PHF10: variants seen among roughly 807,000 people sequenced by gnomAD.
The protein encoded by PHF10 is PHD finger protein 10, also known as BRG1-associated factor 45a.
In PHF10, 51 loss-of-function variants were observed where a neutral mutation model predicts 68.5. The ratio of observed to expected loss-of-function variants is 0.74; its 90% confidence interval spans 0.59 to 0.94. PHF10 has a LOEUF of 0.94. Among genes scored for constraint, PHF10 ranks in the 40% least tolerant of loss-of-function variants. The pLI, the probability that PHF10 is intolerant of heterozygous loss-of-function variation, is 0.00. For synonymous variants in PHF10, 204 were observed against 203.5 expected (o/e 1.00, Z -0.02); for missense variants, 460 against 602.6 (o/e 0.76, Z 2.48).
chr6:169,722,989 G>C (rs1471152653), intron 1 of PHF10, among the ~76,000 whole-genome samples: 2 of 152,152 alleles, frequency 1.3e-5, no homozygotes, highest in Non-Finnish European at 2.9e-5. Context: ...CCTTCAAAAT[G>C]AGTCTCACAG....
At chr6:169,705,857 C>A in intron 9 of PHF10, 133 bp from the exon 10 acceptor site, 1 of 639,104 alleles carries the variant, frequency 1.6e-6, no homozygotes. Context: ...AAAGACAAAA[C>A]TTGACAGGAG....
intron 6 of PHF10, among the ~76,000 whole-genome samples, chr6:169,715,265 G>A (rs1030134729): frequency 2.6e-5 from 4 of 152,076 alleles, no homozygotes; most frequent in Admixed American, 6.6e-5. Flanking sequence ...ATTATTAACC[G>A]TAAAGCAAAA....
chr6:169,705,028 G>C, intron 11 of PHF10, 105 bp downstream of exon 11: 1 of 754,132 alleles, frequency 1.3e-6, no homozygotes, highest in Non-Finnish European at 2.1e-6. Context: ...TTGCACATAA[G>C]AGTCCACAAG....
At chr6:169,715,595 A>C (rs540599543) in intron 6 of PHF10, 113 bp downstream of exon 6, 165 of 941,722 alleles carry the variant, frequency 1.8e-4, no homozygotes, top group African/African-American at 1.4e-3. Flanking sequence ...AACAAACAAA[A>C]AAAACACACA....
At chr6:169,716,397 CACTA>C (rs1368931179) in intron 4 of PHF10, among the ~76,000 whole-genome samples, 3 of 151,628 alleles carry the variant, frequency 2.0e-5, no homozygotes, top group African/African-American at 4.9e-5. Context: ...TAATGAAATG[CACTA>C]ACTACTAACA....
chr6:169,715,597 AAAC>A (rs1789027955), intron 6 of PHF10, 108 bp downstream of exon 6: 3 of 948,530 alleles, frequency 3.2e-6, no homozygotes, highest in Non-Finnish European at 4.9e-6. Flanking sequence ...CAAACAAAAA[AAAC>A]ACACACACAT....
intron 4 of PHF10, among the ~76,000 whole-genome samples, chr6:169,717,493 T>C (rs990940639): frequency 6.6e-6 from 1 of 152,200 alleles, no homozygotes. Flanking sequence ...ATATAAAGTG[T>C]TGAATATGTC....
chr6:169,718,100 G>A (rs1789093838), intron 3 of PHF10, among the ~76,000 whole-genome samples, 194 bp from the exon 4 acceptor site: 1 of 151,914 alleles, frequency 6.6e-6, no homozygotes, highest in African/African-American at 2.4e-5. Flanking sequence ...AATAAAATAG[G>A]AAATAGAATA....
At position 169,704,057 on chromosome 6, in the gene PHF10, G is replaced by T. The variant is rs1301511842; in HGVS notation, c.1443C>A (p.Ala481=). 1 of 1,581,522 alleles carries T rather than the reference G, an allele frequency of 6.3e-7. No individual in the cohort carries two copies. The change falls in exon 12 of 12, where the codon GCC becomes GCA. Residue 481 remains alanine, a synonymous_variant. Transcript: ENST00000339209. ...GRWICDCCQR[A]PPTPRKVGRR... is the part of the protein sequence containing the mutation. ...TGCCCACTTTCCTGGGTGTTGGGGG[G>T]GCCCGCTGACAACAGTCACAAATCC...
At chr6:169,715,598 AACAC>A in intron 6 of PHF10, 106 bp downstream of exon 6, 1 of 950,870 alleles carries the variant, frequency 1.1e-6, no homozygotes, top group East Asian at 2.4e-5. Context: ...AAACAAAAAA[AACAC>A]ACACACATAG....
rs777578804 is a variant in PHF10, at chr6:169,710,262, G to A, written c.1087C>T (p.Leu363=). The A allele has an allele frequency of 6.2e-7, 1 of 1,612,488 alleles. No homozygotes were observed. The highest frequency in any genetic ancestry group is 8.5e-7 in the Non-Finnish European group (1 of 1,179,552). Residue 363 remains leucine (L), a synonymous_variant, in exon 9 of 12, where the codon CTG becomes TTG. Transcript: ENST00000339209. ...TTGTACCCAGGAACTGACTTGGACA[G>A]TACAGAACGTTTGGGACCATCTTTT... ...PRKDGPKRSV[L]SKSVPGYKPK...
At chr6:169,722,676 CGGAATAAG>C (rs1789208556) in intron 1 of PHF10, among the ~76,000 whole-genome samples, 1 of 152,128 alleles carries the variant, frequency 6.6e-6, no homozygotes, top group Non-Finnish European at 1.5e-5. Flanking sequence ...CAATACATGA[CGGAATAAG>C]GTAAGAATTT....
chr6:169,717,905 ATCTCC>A lies in PHF10; in HGVS notation c.326-4_326del. 1 of 1,507,660 alleles carries A rather than the reference ATCTCC, an allele frequency of 6.6e-7. No homozygotes were observed. Among genetic ancestry groups the A allele is most frequent in the Admixed American group, 1.7e-5 (1 of 57,752 alleles). The allele number at this position is 1,507,660 out of a possible 1,614,324, so 93.4% of individuals were successfully genotyped here. A position where few individuals can be genotyped will look rare whatever the true frequency, so the allele number is the denominator to read the frequency against. On this transcript the variant is annotated splice_acceptor_variant and splice_polypyrimidine_tract_variant and coding_sequence_variant and intron_variant, in exon 4 of 12. Coordinates refer to ENST00000339209, the MANE Select transcript of PHF10 (RefSeq NM_018288.4). LOFTEE classifies it high-confidence loss of function. ...TGTGAGACAAATCTCGTCGCTCTAA[ATCTCC>A]AAAAAAAAGATCAAAAGACTATTAA...
At chr6:169,714,446 G>A (rs1306325339) in intron 7 of PHF10, among the ~76,000 whole-genome samples, 7 of 152,180 alleles carry the variant, frequency 4.6e-5, no homozygotes, top group Non-Finnish European at 8.8e-5. Context: ...TTTGGACCAC[G>A]GAACATACCC....
At chr6:169,704,397 C>A in intron 11 of PHF10, 1 of 316,072 alleles carries the variant, frequency 3.2e-6, no homozygotes, top group Non-Finnish European at 6.0e-6. Flanking sequence ...AAGGTCAAAA[C>A]CCATTCCGGA....
chr6:169,718,998 A>T (rs3807063), intron 2 of PHF10, 80 bp from the exon 3 acceptor site: 11 of 973,550 alleles, frequency 1.1e-5, no homozygotes. Flanking sequence ...TATTTTGAAA[A>T]CTATTTTAAG....
chr6:169,717,465 C>G (rs563816879), intron 4 of PHF10, among the ~76,000 whole-genome samples: 1 of 152,316 alleles, frequency 6.6e-6, no homozygotes, highest in East Asian at 1.9e-4. Flanking sequence ...TGGGCAAAAT[C>G]AGCTAACACA....
chr6:169,721,120 T>G lies in PHF10; in HGVS notation c.88-9A>C. On this transcript the variant is annotated splice_polypyrimidine_tract_variant and intron_variant, in intron 1 of 11. Coordinates refer to ENST00000339209, the MANE Select transcript of PHF10 (RefSeq NM_018288.4). Reference sequence around the variant, plus strand: ...TTATCTTCATTATCATCCTATACATTTAAAAGATTCAAAAATAATAATTAG... The same window carrying G: ...TTATCTTCATTATCATCCTATACATGTAAAAGATTCAAAAATAATAATTAG... The G allele has an allele frequency of 7.3e-7, 1 of 1,378,346 alleles. No homozygotes were observed. Among genetic ancestry groups the G allele is most frequent in the Non-Finnish European group, 1.0e-6 (1 of 994,820 alleles). The allele number at this position is 1,378,346 out of a possible 1,614,324, so 85.4% of individuals were successfully genotyped here.
intron 7 of PHF10, among the ~76,000 whole-genome samples, chr6:169,714,136 C>CT (rs960251233): frequency 1.4e-3 from 218 of 151,902 alleles, no homozygotes; most frequent in African/African-American, 4.8e-3. Flanking sequence ...AAAAAAGAAT[C>CT]TGTTAGCCCT....
Sources: gnomAD v4.1 joint callset for allele counts (sites outside exome capture counted in the v4.1 genomes callset) on GRCh38, gnomAD v4.1.1 for gene constraint, MANE v1.5 for transcripts, NCBI Gene and HGNC (gene_info 2026-07-23, HGNC 2026-07-21) for gene names.